The following SIDT2 variants were observed in gnomAD, a reference collection of about 807,000 sequenced individuals.
SIDT2 encodes SID1 transmembrane family, member 2.
SIDT2 carries 68 observed loss-of-function variants against 114.4 expected under a neutral mutation model. The observed-to-expected ratio is 0.59, with a 90% CI of 0.49 to 0.73. SIDT2 has a LOEUF of 0.73. Among genes scored for constraint, SIDT2 ranks in the 30% least tolerant of loss-of-function variants. The pLI is 0.00. For synonymous variants in SIDT2, 470 were observed against 438.4 expected (o/e 1.07, Z -0.90); for missense variants, 918 against 1,097.1 (o/e 0.84, Z 2.31).
In SIDT2 at chr11:117,188,851, T is replaced by A. The variant is rs1246908124; in HGVS notation, c.1278+25T>A. 1 of 1,591,336 alleles carries A rather than the reference T, an allele frequency of 6.3e-7. No individual in the cohort carries two copies. Among genetic ancestry groups the A allele is most frequent in the African/African-American group, 1.3e-5 (1 of 74,538 alleles). On this transcript the variant is annotated intron_variant, in intron 13 of 25. Coordinates refer to ENST00000324225, the MANE Select transcript of SIDT2 (RefSeq NM_001040455.2). This position sits in a 1 kb window ranked among gnomAD's most constrained non-coding sequence, Gnocchi z 4.0. ...GGTCTGACCCGTGGGCCTGGCCTGG[T>A]CAGGCGTTTCCTGAGAAAGGGACAT...
rs904955700 is a variant in SIDT2 at position 117,184,199 on chromosome 11, C to T, written c.868+60C>T. ...AGCCTCTCTGGCTCCTGCTTTCAGA[C>T]CTGGGATATAGGGTGTGCCCTGAAG... On this transcript the variant is annotated intron_variant, in intron 8 of 25. Transcript: ENST00000324225. 3.1e-5 allele frequency: 48 copies of T among 1,538,884 alleles called. 2 individuals are homozygous for T. In the South Asian group the frequency reaches 5.3e-4, roughly 17 times the overall value.
chr11:117,186,687 G>T lies in SIDT2; in HGVS notation c.1015+51G>T, dbSNP rs765106930. 40 of 1,513,250 alleles carry T rather than the reference G, an allele frequency of 2.6e-5. 3 individuals are homozygous for T. In the Middle Eastern group the frequency reaches 5.5e-3, roughly 209 times the overall value. The allele number at this position is 1,513,250 out of a possible 1,614,324, so 93.7% of individuals were successfully genotyped here. On this transcript the variant is annotated intron_variant, in intron 10 of 25. Transcript: ENST00000324225. Reference sequence around the variant, plus strand: ...CGGGCACAGTGTGCTTTGTGTTTTGGGGGGTGGTGGTGGATGGTTCCCTAG... The same window carrying T: ...CGGGCACAGTGTGCTTTGTGTTTTGTGGGGTGGTGGTGGATGGTTCCCTAG...
At chr11:117,186,661 G>A in intron 10 of SIDT2, 25 bp downstream of exon 10, 1 of 1,544,366 alleles carries the variant, frequency 6.5e-7, no homozygotes, top group Non-Finnish European at 8.7e-7. Context: ...CCTGGGTGGG[G>A]CGGGCACAGT....
intron 8 of SIDT2, among the ~76,000 whole-genome samples, chr11:117,185,088 T>A (rs2030443589): frequency 1.3e-5 from 2 of 148,510 alleles, no homozygotes; most frequent in South Asian, 4.3e-4. Context: ...CTTGCTCTGT[T>A]GCCCAGGCTG....
chr11:117,182,875 G>A (rs2030349831), intron 6 of SIDT2, 69 bp downstream of exon 6: 1 of 1,519,480 alleles, frequency 6.6e-7, no homozygotes, highest in Non-Finnish European at 8.9e-7. Context: ...CCAAACTTGA[G>A]CTCTTCTTCC....
At chr11:117,191,854 T>A in intron 18 of SIDT2, 24 bp from the exon 19 acceptor site, 1 of 1,611,170 alleles carries the variant, frequency 6.2e-7, no homozygotes, top group Non-Finnish European at 8.5e-7. Flanking sequence ...TTTCTGCAGC[T>A]CCCTTCCGTG....
intron 18 of SIDT2, 194 bp from the exon 19 acceptor site, chr11:117,191,684 C>A: frequency 1.4e-6 from 1 of 695,654 alleles, no homozygotes; most frequent in South Asian, 1.8e-5. Context: ...TGGGTGACAG[C>A]CAGTGGGGTG....
Position 117,187,642 on chromosome 11 carries a change from T to A in SIDT2, c.1102T>A (p.Ser368Thr). 3 of 1,614,116 alleles carry A rather than the reference T, an allele frequency of 1.9e-6. No individual in the cohort carries two copies. The highest frequency in any genetic ancestry group is 2.5e-6 in the Non-Finnish European group (3 of 1,180,008). The change falls in exon 12 of 26, where the codon TCT becomes ACT. Residue 368 changes from serine (S) to threonine (T), a missense_variant. Around this residue, in one of 4 missense-constraint regions of SIDT2, gnomAD observed 553 missense variants for 600.1 expected, o/e 0.92. Coordinates refer to ENST00000324225, the MANE Select transcript of SIDT2 (RefSeq NM_001040455.2). ...GTTCCCCACAGAGAATGTTTCTGGA[T>A]CTACCGATGGTCTGGTTGACAGCGC... ...NYGSFENVSG[S>T]TDGLVDSAGT...
intron 8 of SIDT2, among the ~76,000 whole-genome samples, chr11:117,184,911 A>T (rs2030433952): frequency 6.6e-6 from 1 of 151,946 alleles, no homozygotes; most frequent in African/African-American, 2.4e-5. Flanking sequence ...TTTTTAGTAG[A>T]GACGGGGGTT....
At position 117,181,446 on chromosome 11, in the gene SIDT2, C is replaced by G. The variant is rs201334405; in HGVS notation, c.214C>G (p.Leu72Val). The change falls in exon 2 of 26, where the codon CTG (leucine) becomes GTG (valine). Residue 72 changes from leucine (L) to valine (V), a missense_variant. By Grantham distance (32) the Leu-to-Val change is conservative. Around this residue, in one of 4 missense-constraint regions of SIDT2, gnomAD observed 553 missense variants for 600.1 expected, o/e 0.92. Transcript: ENST00000324225. The stretch of plus-strand genomic sequence containing the variant: ...GGGCGTGCGTGTGTCTGTGAACGTC[C>G]TGAACAAGCAGAAGGGGGCGCCGTT... ...TEGVRVSVNV[L>V]NKQKGAPLLF... 6.4e-5 allele frequency: 103 copies of G among 1,613,462 alleles called. 1 individual carries two copies. Among genetic ancestry groups the G allele is most frequent in the Admixed American group, 2.7e-4 (16 of 59,968 alleles).
In SIDT2 at chr11:117,195,946, G is replaced by T. The variant is rs1413921144; in HGVS notation, c.2436+31G>T. 3.1e-6 allele frequency: 5 copies of T among 1,614,110 alleles called. No homozygotes were observed. In the East Asian group the frequency reaches 8.9e-5, roughly 29 times the overall value. On this transcript the variant is annotated intron_variant, in intron 25 of 25. Coordinates refer to ENST00000324225, the MANE Select transcript of SIDT2 (RefSeq NM_001040455.2). ...CGGGCCTCCCGGCCGAGCCGGGTGGGTACGTGAAGGTAGCAGCTGCCTCCT... is the reference window on the plus strand; with the variant it reads ...CGGGCCTCCCGGCCGAGCCGGGTGGTTACGTGAAGGTAGCAGCTGCCTCCT...
chr11:117,192,299 A>C lies in SIDT2; in HGVS notation c.1918A>C (p.Ile640Leu). 6 of 1,612,780 alleles carry C rather than the reference A, an allele frequency of 3.7e-6. No individual in the cohort carries two copies. Among genetic ancestry groups the C allele is most frequent in the Non-Finnish European group, 5.1e-6 (6 of 1,179,028 alleles). Reference sequence around the variant, plus strand: ...GGCGTTCTGGATCGTCTTCTCCATCATTCACATCATCGCCACCCTGCTCCT... The same window carrying C: ...GGCGTTCTGGATCGTCTTCTCCATCCTTCACATCATCGCCACCCTGCTCCT... ...NTAFWIVFSI[I>L]HIIATLLLST... Residue 640 changes from isoleucine (I) to leucine (L), a missense_variant, in exon 20 of 26, where the codon ATT becomes CTT. Ile to Leu is a conservative substitution (Grantham distance 5). Transcript: ENST00000324225. This position sits in a 1 kb window ranked among gnomAD's most constrained non-coding sequence, Gnocchi z 5.9.
chr11:117,192,833 T>C lies in SIDT2; in HGVS notation c.2072T>C (p.Leu691Pro). The change falls in exon 22 of 26, where the codon CTG (leucine) becomes CCG (proline). Residue 691 changes from leucine (L) to proline (P), a missense_variant. Coordinates refer to ENST00000324225, the MANE Select transcript of SIDT2 (RefSeq NM_001040455.2). The surrounding 1 kb of genome is among the most constrained non-coding windows in gnomAD (Gnocchi z 5.9). The stretch of plus-strand genomic sequence containing the variant: ...GCTTCCCTCCAGGACCGCATGGTGC[T>C]GCTGGTCATGGGCAACGTCATCAAC... ...SGPLYVDRMVLLVMGNVINWS... is the reference protein window; with the variant it reads ...SGPLYVDRMVPLVMGNVINWS... The C allele has an allele frequency of 6.2e-7, 1 of 1,614,200 alleles. No individual in the cohort carries two copies. The highest frequency in any genetic ancestry group is 8.5e-7 in the Non-Finnish European group (1 of 1,180,040).
rs768193598 is a variant in SIDT2 at position 117,190,286 on chromosome 11, C to T, written c.1614C>T (p.Ala538=). Residue 538 remains alanine (A), a synonymous_variant, in exon 17 of 26, where the codon GCC becomes GCT. Transcript: ENST00000324225. This position sits in a 1 kb window ranked among gnomAD's most constrained non-coding sequence, Gnocchi z 4.1. ...CCCTGCTGCGCAATGACCTCTGTGCCCTGGTAAGGGAGCACCTGCCTGCCT... is the reference window on the plus strand; with the variant it reads ...CCCTGCTGCGCAATGACCTCTGTGCTCTGGTAAGGGAGCACCTGCCTGCCT... The part of the protein sequence containing the change: ...NRALLRNDLC[A]LECGIPKHFG... 11 of 1,536,870 alleles carry T rather than the reference C, an allele frequency of 7.2e-6. No individual in the cohort carries two copies. The highest frequency in any genetic ancestry group is 9.6e-6 in the Non-Finnish European group (11 of 1,143,462).
chr11:117,181,572 G>T, intron 2 of SIDT2, 35 bp downstream of exon 2: 1 of 1,612,896 alleles, frequency 6.2e-7, no homozygotes, highest in Non-Finnish European at 8.5e-7. Flanking sequence ...AAGCGGGGCA[G>T]CCTAGGCCAG....
chr11:117,180,445 C>T (rs780825542), intron 1 of SIDT2, among the ~76,000 whole-genome samples: 8 of 151,902 alleles, frequency 5.3e-5, no homozygotes, highest in Non-Finnish European at 1.2e-4. Context: ...ACAAGCATTC[C>T]AAGATCGATT....
chr11:117,188,196 A>C lies in SIDT2; in HGVS notation c.1159+497A>C. ...TATCGTCTGCGTTGCCAGCGCCCTC[A>C]CTCCCTGGCCTGCTTGGGGAGGGCT... On this transcript the variant is annotated intron_variant, in intron 12 of 25. Coordinates refer to ENST00000324225, the MANE Select transcript of SIDT2 (RefSeq NM_001040455.2). This position sits in a 1 kb window ranked among gnomAD's most constrained non-coding sequence, Gnocchi z 4.0. 5.9e-6 allele frequency: 2 copies of C among 339,998 alleles called. No homozygotes were observed. The highest frequency in any genetic ancestry group is 1.2e-5 in the Non-Finnish European group (2 of 172,726). The allele number at this position is 339,998 out of a possible 1,614,324, so 21.1% of individuals were successfully genotyped here.
In SIDT2 at chr11:117,193,204, G is replaced by C; in HGVS notation, c.2157G>C (p.Leu719Phe). 2 of 1,614,058 alleles carry C rather than the reference G, an allele frequency of 1.2e-6. No individual in the cohort carries two copies. Among genetic ancestry groups the C allele is most frequent in the African/African-American group, 1.3e-5 (1 of 75,030 alleles). ...MRPNDFASYL[L>F]AIGICNLLLY... is the part of the protein sequence containing the mutation. ...CCAATGATTTCGCTTCCTACTTGTT[G>C]GCCATTGGCATCTGCAACCTGCTCC... Residue 719 changes from leucine to phenylalanine, a missense_variant, in exon 23 of 26, where the codon TTG (leucine) becomes TTC (phenylalanine). This residue lies in a region of SIDT2 where 275 missense variants were observed against 397.6 expected (regional missense o/e 0.69). Coordinates refer to ENST00000324225, the MANE Select transcript of SIDT2 (RefSeq NM_001040455.2).
chr11:117,188,530 A>G lies in SIDT2; in HGVS notation c.1160-178A>G. On this transcript the variant is annotated intron_variant, in intron 12 of 25. Coordinates refer to ENST00000324225, the MANE Select transcript of SIDT2 (RefSeq NM_001040455.2). This position sits in a 1 kb window ranked among gnomAD's most constrained non-coding sequence, Gnocchi z 4.0. Reference sequence around the variant, plus strand: ...AGTCTACCATCATCCCCCAGGACTTAGGAGCACCTGATGTCTCCTCCCAGC... The same window carrying G: ...AGTCTACCATCATCCCCCAGGACTTGGGAGCACCTGATGTCTCCTCCCAGC... The G allele has an allele frequency of 1.6e-6, 1 of 614,028 alleles. No individual in the cohort carries two copies. Among genetic ancestry groups the G allele is most frequent in the South Asian group, 1.9e-5 (1 of 52,982 alleles). 38.0% of individuals were successfully genotyped at this position (614,028 alleles called of 1,614,324 possible).
Sources: allele counts gnomAD v4.1 joint callset (sites outside exome capture counted in the v4.1 genomes callset), GRCh38; gene constraint gnomAD v4.1.1; regional missense constraint gnomAD v4.1.1; non-coding constraint Gnocchi (gnomAD v3.1); transcripts MANE v1.5; gene names NCBI Gene and HGNC (gene_info 2026-07-23, HGNC 2026-07-21).